Variants in PCBP3 observed in about 807,000 individuals in gnomAD.
PCBP3 encodes poly(rC) binding protein 3, also known as poly(rC)-binding protein 3.
In PCBP3, 25 loss-of-function variants were observed where a neutral mutation model predicts 52.7. The observed-to-expected ratio is 0.47, with a 90% CI of 0.35 to 0.66. The LOEUF is 0.66. Ranked by LOEUF, PCBP3 falls within the 30% of genes least tolerant of loss-of-function variation. The probability of loss-of-function intolerance (pLI) is 0.01; values close to 1 mark genes in which losing one functional copy is unlikely to be tolerated. For synonymous variants in PCBP3, 162 were observed against 183.0 expected (o/e 0.89, Z 0.93); for missense variants, 391 against 490.3 (o/e 0.80, Z 1.91).
intron 3 of PCBP3, among the ~76,000 whole-genome samples, chr21:45,753,824 T>A (rs2087772220): frequency 6.6e-6 from 1 of 152,210 alleles, no homozygotes; most frequent in Admixed American, 6.5e-5. Flanking sequence ...TATTCTCTCC[T>A]GACTTGAATG....
intron 2 of PCBP3, among the ~76,000 whole-genome samples, chr21:45,716,865 G>C (rs1263212864): frequency 1.3e-5 from 2 of 152,074 alleles, no homozygotes; most frequent in Non-Finnish European, 2.9e-5. Flanking sequence ...GTTTTCATAT[G>C]AATTTTAGAA....
chr21:45,806,420 G>C (rs1209331892), intron 4 of PCBP3, among the ~76,000 whole-genome samples: 1 of 151,918 alleles, frequency 6.6e-6, no homozygotes, highest in Non-Finnish European at 1.5e-5. Context: ...GCACATAACC[G>C]CACCCTGGCT....
intron 4 of PCBP3, among the ~76,000 whole-genome samples, chr21:45,792,891 G>C (rs1313112123): frequency 6.6e-6 from 1 of 152,166 alleles, no homozygotes; most frequent in Non-Finnish European, 1.5e-5. Flanking sequence ...GTCGGGGCCA[G>C]CCACCAACTC....
chr21:45,746,236 G>A (rs1369106449), intron 3 of PCBP3, among the ~76,000 whole-genome samples: 96 of 85,794 alleles, frequency 1.1e-3, no homozygotes, highest in Non-Finnish European at 1.7e-3. Context: ...TGTCAGCATC[G>A]CCGTGTCAGT....
At chr21:45,871,163 A>T in intron 5 of PCBP3, 1 of 175,260 alleles carries the variant, frequency 5.7e-6, no homozygotes, top group Non-Finnish European at 1.2e-5. Context: ...GGAACCCCCC[A>T]GGGAAGGCCG....
At chr21:45,844,402 A>T (rs908901458) in intron 4 of PCBP3, among the ~76,000 whole-genome samples, 1 of 151,996 alleles carries the variant, frequency 6.6e-6, no homozygotes. Flanking sequence ...CATGGTCCAG[A>T]TGTCACCCAG....
chr21:45,907,092 C>T (rs1328545421), intron 9 of PCBP3, among the ~76,000 whole-genome samples: 1 of 152,262 alleles, frequency 6.6e-6, no homozygotes, highest in Admixed American at 6.5e-5. Context: ...GGCTCCCTCA[C>T]TGCCTGGACC....
At chr21:45,703,874 G>A (rs2083283451) in intron 2 of PCBP3, among the ~76,000 whole-genome samples, 1 of 152,156 alleles carries the variant, frequency 6.6e-6, no homozygotes, top group Non-Finnish European at 1.5e-5. Flanking sequence ...TGATAGCCTA[G>A]CAAGGTGGCT....
At chr21:45,665,284 T>C (rs2147158209) in intron 1 of PCBP3, among the ~76,000 whole-genome samples, 1 of 152,164 alleles carries the variant, frequency 6.6e-6, no homozygotes, top group East Asian at 1.9e-4. Flanking sequence ...GGTACATGCC[T>C]GTAGTCCTAG....
At position 45,816,060 on chromosome 21, in the gene PCBP3, G is replaced by C. The variant is rs1404985597; in HGVS notation, c.-125-33901G>C. On this transcript the variant is annotated intron_variant, in intron 4 of 17. Coordinates refer to ENST00000681687, the MANE Select transcript of PCBP3 (RefSeq NM_001384156.1). The stretch of plus-strand genomic sequence containing the variant: ...GGTGAGTGAGTGGTGAGTGGTGAGT[G>C]AGTGATGAGTGAGTGGTGAGTGATG... 1.4e-3 allele frequency among the ~76,000 whole-genome samples: 205 copies of C among 143,166 alleles called. 5 individuals are homozygous for C. Among genetic ancestry groups the C allele is most frequent in the Admixed American group, 2.3e-3 (34 of 14,628 alleles). 93.9% of individuals were successfully genotyped at this position (143,166 alleles called of 152,430 possible).
intron 4 of PCBP3, among the ~76,000 whole-genome samples, chr21:45,784,993 C>T (rs908710524): frequency 1.2e-4 from 18 of 151,486 alleles, no homozygotes; most frequent in African/African-American, 4.1e-4. Flanking sequence ...TCTGCCCGGC[C>T]GCCATCCCAT....
chr21:45,773,572 T>A (rs1180430648), intron 4 of PCBP3, among the ~76,000 whole-genome samples: 1 of 152,222 alleles, frequency 6.6e-6, no homozygotes, highest in Non-Finnish European at 1.5e-5. Flanking sequence ...ATTTCTGGGT[T>A]CTCTATTCTG....
chr21:45,854,998 G>A (rs1211646564), intron 5 of PCBP3, among the ~76,000 whole-genome samples: 10 of 152,242 alleles, frequency 6.6e-5, no homozygotes, highest in South Asian at 2.1e-4. Context: ...AGCTCCAGGA[G>A]GAGCCTCTCG....
At chr21:45,889,762 G>A (rs995811391) in intron 5 of PCBP3, among the ~76,000 whole-genome samples, 4 of 152,314 alleles carry the variant, frequency 2.6e-5, no homozygotes, top group Middle Eastern at 3.4e-3. Flanking sequence ...CAGCCCTCAC[G>A]TGCTTGTCCA....
At chr21:45,835,934 A>C (rs983700633) in intron 4 of PCBP3, among the ~76,000 whole-genome samples, 2 of 152,142 alleles carry the variant, frequency 1.3e-5, no homozygotes, top group Non-Finnish European at 2.9e-5. Context: ...TCAGTTCCAC[A>C]GGGGAAGCTG....
chr21:45,853,105 A>AG lies in PCBP3; in HGVS notation c.10+3015dup, dbSNP rs1169085777. Among the ~76,000 whole-genome samples the AG allele has an allele frequency of 6.6e-6, 1 of 151,960 alleles. No individual in the cohort carries two copies. Among genetic ancestry groups the AG allele is most frequent in the Non-Finnish European group, 1.5e-5 (1 of 67,982 alleles). ...GGAAAGTGCACATGCCGCTGGCCAG[A>AG]GGGGGTGGGCTGGCATGTCTTCTCT... On this transcript the variant is annotated intron_variant, in intron 5 of 17. Transcript: ENST00000681687. The surrounding 1 kb of genome is among the most constrained non-coding windows in gnomAD (Gnocchi z 4.6).
At chr21:45,765,881 G>T (rs1388424209) in intron 4 of PCBP3, among the ~76,000 whole-genome samples, 1 of 152,228 alleles carries the variant, frequency 6.6e-6, no homozygotes, top group Non-Finnish European at 1.5e-5. Flanking sequence ...CTCAAATTTT[G>T]TTCAGTCTCA....
Position 45,850,041 on chromosome 21 carries a change from A to T in PCBP3, c.-45A>T. ...TGATGCTCTGAGTTCAATACGTCTGAACCTTTGCTGTCTATGGATCTGCTC... is the reference window on the plus strand; with the variant it reads ...TGATGCTCTGAGTTCAATACGTCTGTACCTTTGCTGTCTATGGATCTGCTC... On this transcript the variant is annotated 5_prime_UTR_variant, in exon 5 of 18. Coordinates refer to ENST00000681687, the MANE Select transcript of PCBP3 (RefSeq NM_001384156.1). 1 of 1,533,104 alleles carries T rather than the reference A, an allele frequency of 6.5e-7. No individual in the cohort carries two copies. Among genetic ancestry groups the T allele is most frequent in the Non-Finnish European group, 8.8e-7 (1 of 1,130,006 alleles). 95.0% of individuals were successfully genotyped at this position (1,533,104 alleles called of 1,614,324 possible).
intron 4 of PCBP3, among the ~76,000 whole-genome samples, chr21:45,792,962 AC>A (rs2091705833): frequency 6.6e-6 from 1 of 152,008 alleles, no homozygotes; most frequent in Non-Finnish European, 1.5e-5. Context: ...GTCCAAAGAC[AC>A]CCCTCCTTCT....
Sources: gnomAD v4.1 joint callset for allele counts (sites outside exome capture counted in the v4.1 genomes callset) on GRCh38, gnomAD v4.1.1 for gene constraint, Gnocchi (gnomAD v3.1) non-coding constraint, MANE v1.5 for transcripts, NCBI Gene and HGNC (gene_info 2026-07-23, HGNC 2026-07-21) for gene names.